GABRG2: variants seen among roughly 807,000 people sequenced by gnomAD.
GABRG2 encodes gamma-aminobutyric acid receptor subunit gamma-2.
In GABRG2, 16 loss-of-function variants were observed where a neutral mutation model predicts 56.4. The ratio of observed to expected loss-of-function variants is 0.28; its 90% CI spans 0.19 to 0.43. GABRG2 has a LOEUF of 0.43. Ranked by LOEUF, GABRG2 falls within the 20% of genes least tolerant of loss-of-function variation. The pLI is 1.00. For synonymous variants in GABRG2, 208 were observed against 205.5 expected, an observed-to-expected ratio of 1.01 and a Z score of -0.10; for missense variants, 327 against 582.7, an observed-to-expected ratio of 0.56 and a Z score of 4.52.
intron 1 of GABRG2, among the ~76,000 whole-genome samples, chr5:162,082,940 G>A (rs983235233): frequency 2.6e-5 from 4 of 151,570 alleles, no homozygotes; most frequent in African/African-American, 7.2e-5. Context: ...CCATGACCAC[G>A]AGGGCAGATT....
At chr5:162,091,381 C>T (rs1440609870) in intron 1 of GABRG2, among the ~76,000 whole-genome samples, 4 of 151,896 alleles carry the variant, frequency 2.6e-5, no homozygotes, top group Admixed American at 6.6e-5. Flanking sequence ...TTCAGTACTG[C>T]GTGTTAGGCA....
intron 6 of GABRG2, among the ~76,000 whole-genome samples, chr5:162,112,089 T>C (rs971525594): frequency 7.2e-5 from 11 of 152,154 alleles, no homozygotes; most frequent in Non-Finnish European, 1.3e-4. Context: ...ACCATTCAAA[T>C]CTGACTGTAA....
At chr5:162,089,678 CTACT>C (rs1163251662) in intron 1 of GABRG2, among the ~76,000 whole-genome samples, 2 of 152,042 alleles carry the variant, frequency 1.3e-5, no homozygotes, top group Non-Finnish European at 2.9e-5. Flanking sequence ...TAAAATCCAA[CTACT>C]TACCTGTGTT....
In GABRG2 at chr5:162,153,195, G is replaced by A. The variant is rs148232491; in HGVS notation, c.1255G>A (p.Gly419Ser). The A allele has an allele frequency of 1.9e-6, 3 of 1,613,890 alleles. No homozygotes were observed. Among genetic ancestry groups the A allele is most frequent in the Non-Finnish European group, 2.5e-6 (3 of 1,179,956 alleles). Residue 419 changes from glycine to serine, a missense_variant, in exon 10 of 10, where the codon GGC becomes AGC. Physicochemically the swap from Gly to Ser is moderately conservative, Grantham distance 56 (BLOSUM62 0). Around this residue, in one of 4 missense-constraint regions of GABRG2, gnomAD observed 108 missense variants for 144.2 expected, o/e 0.75. Transcript: ENST00000639213. The part of the protein sequence containing the change: ...DEEYGYECLD[G>S]KDCASFFCCF... ...AGAGTACGGCTATGAGTGTCTGGAC[G>A]GCAAGGACTGTGCCAGTTTTTTCTG...
chr5:162,119,698 G>A (rs1203731901), intron 6 of GABRG2, among the ~76,000 whole-genome samples: 2 of 152,030 alleles, frequency 1.3e-5, no homozygotes, highest in South Asian at 2.1e-4. Context: ...ACCTTACACC[G>A]AAGTCTATGC....
chr5:162,142,043 T>C, intron 6 of GABRG2, 121 bp from the exon 7 acceptor site: 1 of 1,265,866 alleles, frequency 7.9e-7, no homozygotes. Flanking sequence ...GTTTTCAACA[T>C]ACCACTTGTA....
chr5:162,118,458 T>C (rs1336598280), intron 6 of GABRG2, among the ~76,000 whole-genome samples: 4 of 152,046 alleles, frequency 2.6e-5, no homozygotes, highest in Non-Finnish European at 2.9e-5. Context: ...ACTGGACATA[T>C]TATCTCTGTC....
rs562014787 is a variant in GABRG2, at chr5:162,095,429, C to T, written c.260-66C>T. The T allele has an allele frequency of 5.3e-5, 52 of 981,320 alleles. No individual in the cohort carries two copies. In the East Asian group the frequency reaches 1.3e-3, roughly 24 times the overall value. 60.8% of individuals were successfully genotyped at this position (981,320 alleles called of 1,614,324 possible). A position where few individuals can be genotyped will look rare whatever the true frequency, so the allele number is the denominator to read the frequency against. ...AGCTAAATAAATCTATTCTAGAAAA[C>T]AAAGATTAAAACATTAAAATCTTGC... On this transcript the variant is annotated intron_variant, in intron 2 of 9. Transcript: ENST00000639213.
rs569501665 is a variant in GABRG2, at chr5:162,116,573, G to C, written c.769+12547G>C. The stretch of plus-strand genomic sequence containing the variant: ...AACAAGCCTGATGTCCATGGAATAA[G>C]ATGCACAATGCTTTCACACAAAGGG... On this transcript the variant is annotated intron_variant, in intron 6 of 9. Coordinates refer to ENST00000639213, the MANE Select transcript of GABRG2 (RefSeq NM_198904.4). Among the ~76,000 whole-genome samples, 101 of 152,030 alleles carry C rather than the reference G, an allele frequency of 6.6e-4. 2 individuals carry two copies. The highest frequency in any genetic ancestry group is 1.2e-3 in the Non-Finnish European group (79 of 68,012).
At chr5:162,147,860 A>G (rs950294024) in intron 7 of GABRG2, among the ~76,000 whole-genome samples, 1 of 152,220 alleles carries the variant, frequency 6.6e-6, no homozygotes, top group African/African-American at 2.4e-5. Flanking sequence ...CTTTTAGAGT[A>G]CAGAAAGATG....
At chr5:162,076,765 G>A (rs1229960808) in intron 1 of GABRG2, among the ~76,000 whole-genome samples, 1 of 152,072 alleles carries the variant, frequency 6.6e-6, no homozygotes, top group Non-Finnish European at 1.5e-5. Flanking sequence ...TAATGAGGAA[G>A]GAAACAATCT....
At chr5:162,087,932 T>G (rs1317322911) in intron 1 of GABRG2, among the ~76,000 whole-genome samples, 3 of 152,212 alleles carry the variant, frequency 2.0e-5, no homozygotes, top group African/African-American at 7.2e-5. Flanking sequence ...TCAAAAAAAA[T>G]TAAACAGGAT....
intron 6 of GABRG2, among the ~76,000 whole-genome samples, chr5:162,125,338 T>C (rs1278390705): frequency 6.6e-6 from 1 of 151,816 alleles, no homozygotes; most frequent in African/African-American, 2.4e-5. Context: ...ATCTATCCTT[T>C]CTGTAGTGTC....
intron 6 of GABRG2, among the ~76,000 whole-genome samples, chr5:162,111,877 G>A (rs1291043154): frequency 6.6e-6 from 1 of 152,132 alleles, no homozygotes. Flanking sequence ...ACTTAATATG[G>A]TAGCCATATA....
intron 1 of GABRG2, among the ~76,000 whole-genome samples, chr5:162,075,037 C>T (rs1758984516): frequency 6.6e-6 from 1 of 152,126 alleles, no homozygotes; most frequent in East Asian, 1.9e-4. Context: ...AAATAACCCT[C>T]TTCCACAAGT....
At chr5:162,083,083 G>A (rs1053892007) in intron 1 of GABRG2, among the ~76,000 whole-genome samples, 4 of 151,724 alleles carry the variant, frequency 2.6e-5, no homozygotes, top group African/African-American at 9.7e-5. Context: ...TCAGATGTAT[G>A]TACACATGTT....
At chr5:162,097,517 T>A in intron 3 of GABRG2, 121 bp from the exon 4 acceptor site, 1 of 772,664 alleles carries the variant, frequency 1.3e-6, no homozygotes, top group Non-Finnish European at 2.2e-6. Context: ...TCTTTTGAAC[T>A]ATTCAAAGCC....
At chr5:162,153,011 C>T (rs1347197761) in intron 9 of GABRG2, 82 bp from the exon 10 acceptor site, 4 of 1,504,298 alleles carry the variant, frequency 2.7e-6, no homozygotes, top group East Asian at 2.3e-5. Flanking sequence ...TTCATCATCA[C>T]ATTGGTGACA....
chr5:162,068,321 T>C (rs1758388840), intron 1 of GABRG2, among the ~76,000 whole-genome samples: 1 of 152,002 alleles, frequency 6.6e-6, no homozygotes, highest in African/African-American at 2.4e-5. Flanking sequence ...TTTATTTTAT[T>C]TTTTGTTTGG....
Sources: gnomAD v4.1 joint callset for allele counts (sites outside exome capture counted in the v4.1 genomes callset) on GRCh38, gnomAD v4.1.1 for gene constraint, gnomAD v4.1.1 regional missense constraint, MANE v1.5 for transcripts, NCBI Gene and HGNC (gene_info 2026-07-23, HGNC 2026-07-21) for gene names.